GALNT7: variants seen among roughly 807,000 people sequenced by gnomAD.
GALNT7 encodes N-acetylgalactosaminyltransferase 7.
GALNT7 carries 60 observed loss-of-function variants against 82.1 expected under a neutral mutation model. The ratio of observed to expected loss-of-function variants is 0.73; its 90% CI spans 0.59 to 0.91. The LOEUF (loss-of-function observed/expected upper bound fraction) is 0.91. Among genes scored for constraint, GALNT7 ranks in the 40% least tolerant of loss-of-function variants. GALNT7 has a pLI of 0.00. For synonymous variants in GALNT7, 243 were observed against 275.1 expected (o/e 0.88, Z 1.15); for missense variants, 660 against 804.2 (o/e 0.82, Z 2.17).
At chr4:173,265,352 G>A (rs1029872498) in intron 2 of GALNT7, among the ~76,000 whole-genome samples, 1 of 152,128 alleles carries the variant, frequency 6.6e-6, no homozygotes, top group Admixed American at 6.5e-5. Flanking sequence ...ACTGTTTGGT[G>A]AATAGTTGTC....
In GALNT7 at chr4:173,187,823, C is replaced by T. The variant is rs535707451; in HGVS notation, c.126+18862C>T. On this transcript the variant is annotated intron_variant, in intron 1 of 11. Coordinates refer to ENST00000265000, the MANE Select transcript of GALNT7 (RefSeq NM_017423.3). ...AGTCTTACTCCTATAGTCTGTGTGTCGTGAAGCATAATTTCTCTTTTCTTT... is the reference window on the plus strand; with the variant it reads ...AGTCTTACTCCTATAGTCTGTGTGTTGTGAAGCATAATTTCTCTTTTCTTT... Among the ~76,000 whole-genome samples, 15 of 152,224 alleles carry T rather than the reference C, an allele frequency of 9.9e-5. No homozygotes were observed. The South Asian group carries it at 1.2e-3, about 13-fold the overall frequency.
intron 2 of GALNT7, among the ~76,000 whole-genome samples, chr4:173,274,728 A>G (rs997358460): frequency 6.6e-5 from 10 of 152,240 alleles, no homozygotes; most frequent in African/African-American, 2.2e-4. Flanking sequence ...AGTCTGGGAT[A>G]AAAGGAGATC....
intron 1 of GALNT7, among the ~76,000 whole-genome samples, chr4:173,187,483 G>A (rs1732497061): frequency 6.6e-6 from 1 of 151,792 alleles, no homozygotes; most frequent in Non-Finnish European, 1.5e-5. Context: ...AAAAACCAAG[G>A]CATGATTTTG....
At chr4:173,214,924 G>A (rs988027313) in intron 1 of GALNT7, among the ~76,000 whole-genome samples, 2 of 151,978 alleles carry the variant, frequency 1.3e-5, no homozygotes, top group Non-Finnish European at 2.9e-5. Flanking sequence ...GCCTACGGTC[G>A]TGCTTCAGGA....
intron 1 of GALNT7, among the ~76,000 whole-genome samples, chr4:173,173,369 T>A (rs1731938540): frequency 6.6e-6 from 1 of 151,934 alleles, no homozygotes; most frequent in South Asian, 2.1e-4. Context: ...ACTAACACCA[T>A]TTATCCCAGG....
rs1734709754 is a variant in GALNT7, at chr4:173,248,001, C to G, written c.148C>G (p.Pro50Ala). The change falls in exon 2 of 12, where the codon CCC becomes GCC. Residue 50 changes from proline to alanine, a missense_variant. By Grantham distance (27) the Pro-to-Ala change is conservative. Coordinates refer to ENST00000265000, the MANE Select transcript of GALNT7 (RefSeq NM_017423.3). ...RMREDRDVND[P>A]MPNRGGNGLA... ...ATAGGAAGACAGAGATGTCAATGAC[C>G]CCATGCCCAACCGAGGCGGCAATGG... 1 of 1,611,958 alleles carries G rather than the reference C, an allele frequency of 6.2e-7. No individual in the cohort carries two copies. The highest frequency in any genetic ancestry group is 1.3e-5 in the African/African-American group (1 of 74,808).
At chr4:173,271,581 C>T (rs923279583) in intron 2 of GALNT7, among the ~76,000 whole-genome samples, 9 of 152,124 alleles carry the variant, frequency 5.9e-5, no homozygotes, top group South Asian at 2.1e-4. Flanking sequence ...CTCAGACTCC[C>T]GAGTAGGTGG....
intron 1 of GALNT7, among the ~76,000 whole-genome samples, chr4:173,175,848 G>A (rs1365434694): frequency 6.6e-6 from 1 of 152,136 alleles, no homozygotes; most frequent in Non-Finnish European, 1.5e-5. Flanking sequence ...CTAGGCAGGC[G>A]AATCACTTGA....
At position 173,248,137 on chromosome 4, in the gene GALNT7, A is replaced by C. The variant is rs1231240044; in HGVS notation, c.284A>C (p.Gln95Pro). The change falls in exon 2 of 12, where the codon CAA becomes CCA. Residue 95 changes from glutamine (Q) to proline (P), a missense_variant. Coordinates refer to ENST00000265000, the MANE Select transcript of GALNT7 (RefSeq NM_017423.3). ...AGAATAAACAAGGCCAAAAATGAAC[A>C]AGAGCACCATGCTGGAGGAGATTCC... ...IRRINKAKNE[Q>P]EHHAGGDSQK... 8 of 1,613,938 alleles carry C rather than the reference A, an allele frequency of 5.0e-6. No individual in the cohort carries two copies. The highest frequency in any genetic ancestry group is 6.8e-6 in the Non-Finnish European group (8 of 1,179,880).
At chr4:173,312,632 C>A (rs1284777748) in intron 8 of GALNT7, among the ~76,000 whole-genome samples, 1 of 152,244 alleles carries the variant, frequency 6.6e-6, no homozygotes, top group Non-Finnish European at 1.5e-5. Flanking sequence ...AATTATCACT[C>A]AAGTGTGTAC....
At position 173,292,578 on chromosome 4, in the gene GALNT7, G is replaced by A. The variant is rs558209348; in HGVS notation, c.754+304G>A. Among the ~76,000 whole-genome samples the A allele has an allele frequency of 5.1e-4, 78 of 152,246 alleles. No individual in the cohort carries two copies. The highest frequency in any genetic ancestry group is 1.4e-3 in the African/African-American group (58 of 41,542). ...TACCACTGATTATAATGTTAGAAGCGAAGATAAACATAGGTAGCATGAAAA... is the reference window on the plus strand; with the variant it reads ...TACCACTGATTATAATGTTAGAAGCAAAGATAAACATAGGTAGCATGAAAA... On this transcript the variant is annotated intron_variant, in intron 3 of 11. Coordinates refer to ENST00000265000, the MANE Select transcript of GALNT7 (RefSeq NM_017423.3). The surrounding 1 kb of genome is among the most constrained non-coding windows in gnomAD (Gnocchi z 4.8).
intron 1 of GALNT7, among the ~76,000 whole-genome samples, chr4:173,224,879 G>A (rs373408150): frequency 2.0e-5 from 3 of 151,716 alleles, no homozygotes. Flanking sequence ...GCCAGGCGTG[G>A]TGGCGCGCGC....
At position 173,248,085 on chromosome 4, in the gene GALNT7, G is replaced by A; in HGVS notation, c.232G>A (p.Val78Ile). ...PVVPWPHVEG[V>I]EVDLESIRRI... ...GGTACCATGGCCTCATGTTGAAGGA[G>A]TAGAAGTGGACTTAGAGTCTATTAG... The change falls in exon 2 of 12, where the codon GTA becomes ATA. Residue 78 changes from valine (V) to isoleucine (I), a missense_variant. By Grantham distance (29) the Val-to-Ile change is conservative (BLOSUM62 3). Transcript: ENST00000265000. The A allele has an allele frequency of 6.2e-7, 1 of 1,613,596 alleles. No homozygotes were observed. The highest frequency in any genetic ancestry group is 8.5e-7 in the Non-Finnish European group (1 of 1,179,574).
At chr4:173,209,771 G>C (rs1159039068) in intron 1 of GALNT7, among the ~76,000 whole-genome samples, 1 of 152,128 alleles carries the variant, frequency 6.6e-6, no homozygotes, top group Non-Finnish European at 1.5e-5. Flanking sequence ...CTTCCTTTCC[G>C]GGTGCCAGCA....
At chr4:173,255,838 C>A (rs1247484936) in intron 2 of GALNT7, among the ~76,000 whole-genome samples, 1 of 152,188 alleles carries the variant, frequency 6.6e-6, no homozygotes, top group Non-Finnish European at 1.5e-5. Context: ...GGAACACACG[C>A]CCCTTTCCCT....
chr4:173,198,518 G>A (rs984532794), intron 1 of GALNT7, among the ~76,000 whole-genome samples: 2 of 152,114 alleles, frequency 1.3e-5, no homozygotes, highest in African/African-American at 4.8e-5. Context: ...AAAAATTCAT[G>A]TGGCCAGATA....
chr4:173,253,946 T>G (rs907237701), intron 2 of GALNT7, among the ~76,000 whole-genome samples: 2 of 152,250 alleles, frequency 1.3e-5, no homozygotes, highest in African/African-American at 4.8e-5. Flanking sequence ...TTCTTACCCT[T>G]TTTTTCTGCC....
rs776589769 is a variant in GALNT7, at chr4:173,168,972, C to T, written c.126+11C>T. On this transcript the variant is annotated intron_variant, in intron 1 of 11. Coordinates refer to ENST00000265000, the MANE Select transcript of GALNT7 (RefSeq NM_017423.3). Reference sequence around the variant, plus strand: ...CTGAGCAGGATGAGGGTGAGTGACCCGCCCGGCCCCCTCCGGCGGCAGCGA... The same window carrying T: ...CTGAGCAGGATGAGGGTGAGTGACCTGCCCGGCCCCCTCCGGCGGCAGCGA... 1 of 1,610,412 alleles carries T rather than the reference C, an allele frequency of 6.2e-7. No homozygotes were observed. Among genetic ancestry groups the T allele is most frequent in the African/African-American group, 1.3e-5 (1 of 74,812 alleles).
At chr4:173,249,504 G>C (rs532843437) in intron 2 of GALNT7, among the ~76,000 whole-genome samples, 1 of 152,316 alleles carries the variant, frequency 6.6e-6, no homozygotes, top group East Asian at 1.9e-4. Flanking sequence ...GTGATGGTGA[G>C]TGATACAACC....
Sources: allele counts gnomAD v4.1 joint callset (sites outside exome capture counted in the v4.1 genomes callset), GRCh38; gene constraint gnomAD v4.1.1; non-coding constraint Gnocchi (gnomAD v3.1); transcripts MANE v1.5; gene names NCBI Gene and HGNC (gene_info 2026-07-23, HGNC 2026-07-21).